KLB: variants seen among roughly 807,000 people sequenced by gnomAD.
KLB encodes klotho beta.
A neutral mutation model predicts 88.4 loss-of-function variants in KLB; 44 were observed. That is an observed-to-expected ratio of 0.50 (90% CI 0.39 to 0.64). KLB has a LOEUF of 0.64. Among genes scored for constraint, KLB ranks in the 30% least tolerant of loss-of-function variants. The probability of loss-of-function intolerance (pLI) is 0.00; values close to 1 mark genes in which losing one functional copy is unlikely to be tolerated. For missense variants in KLB, 1,137 were observed against 1,304.8 expected (o/e 0.87, Z 1.98); for synonymous variants, 548 against 513.4 (o/e 1.07, Z -0.91).
intron 1 of KLB, among the ~76,000 whole-genome samples, chr4:39,419,878 A>AGGTTGCAG (rs1212811247): frequency 3.6e-5 from 5 of 137,754 alleles, no homozygotes; most frequent in African/African-American, 1.4e-4. Context: ...TGGGAGGCGG[A>AGGTTGCAG]GGTTGCAGTG....
chr4:39,414,951 A>G lies in KLB; in HGVS notation c.825+7177A>G, dbSNP rs540188645. ...GCAACGTTTATCCATTTTTGATGCT[A>G]TAACATTGTGTTTCACAAAGTTTGG... is the stretch of plus-strand genomic sequence containing the variant. On this transcript the variant is annotated intron_variant, in intron 1 of 4. Transcript: ENST00000257408. 9.2e-5 allele frequency among the ~76,000 whole-genome samples: 14 copies of G among 151,580 alleles called. No individual in the cohort carries two copies. In the South Asian group the frequency reaches 2.7e-3, roughly 29 times the overall value.
chr4:39,433,936 C>T (rs1193288437), intron 1 of KLB, among the ~76,000 whole-genome samples: 1 of 152,124 alleles, frequency 6.6e-6, no homozygotes, highest in African/African-American at 2.4e-5. Context: ...CTACACACTA[C>T]CCCAAGAGGG....
rs1268881310 is a variant in KLB at position 39,447,012 on chromosome 4, G to A, written c.2286G>A (p.Glu762=). 2 of 1,610,734 alleles carry A rather than the reference G, an allele frequency of 1.2e-6. No individual in the cohort carries two copies. The highest frequency in any genetic ancestry group is 1.7e-6 in the Non-Finnish European group (2 of 1,179,952). ...CTGACTCGCACTGGAGGGCGGCCGA[G>A]CGCTTCCTGCAGTTCGAGATCGCCT... ...PYADSHWRAA[E]RFLQFEIAWF... Residue 762 remains glutamate (E), a synonymous_variant, in exon 4 of 5, where the codon GAG becomes GAA. Transcript: ENST00000257408.
Position 39,448,440 on chromosome 4 carries a change from C to G in KLB, c.2889C>G (p.Ser963Arg), listed in dbSNP as rs765270900. ...SSIQFYNKVI[S>R]SRGFPFENSS... ...TACAATTTTACAACAAAGTGATCAG[C>G]AGCAGGGGCTTCCCTTTTGAGAACA... The change falls in exon 5 of 5, where the codon AGC (serine) becomes AGG (arginine). Residue 963 changes from serine to arginine, a missense_variant. Around this residue, in one of 4 missense-constraint regions of KLB, gnomAD observed 426 missense variants for 404.6 expected, o/e 1.05. Coordinates refer to ENST00000257408, the MANE Select transcript of KLB (RefSeq NM_175737.4). 1.9e-6 allele frequency: 3 copies of G among 1,614,148 alleles called. No homozygotes were observed. The highest frequency in any genetic ancestry group is 2.5e-6 in the Non-Finnish European group (3 of 1,180,002).
rs1402759485 is a variant in KLB at position 39,446,508 on chromosome 4, C to T, written c.1782C>T (p.Val594=). ...KQLEMLARMK[V]THYRFALDWA... ...TTGAGATGTTGGCAAGAATGAAAGT[C>T]ACCCACTACCGGTTTGCTCTGGATT... Residue 594 remains valine (V), a synonymous_variant, in exon 4 of 5, where the codon GTC becomes GTT. Transcript: ENST00000257408. This position sits in a 1 kb window ranked among gnomAD's most constrained non-coding sequence, Gnocchi z 6.4. 6.2e-7 allele frequency: 1 copy of T among 1,614,132 alleles called. No individual in the cohort carries two copies. The highest frequency in any genetic ancestry group is 8.5e-7 in the Non-Finnish European group (1 of 1,180,054).
At chr4:39,421,401 T>C (rs1281083017) in intron 1 of KLB, among the ~76,000 whole-genome samples, 2 of 152,208 alleles carry the variant, frequency 1.3e-5, no homozygotes, top group Non-Finnish European at 2.9e-5. Context: ...ATTCTCCATT[T>C]GATTGGGTTC....
At position 39,407,550 on chromosome 4, in the gene KLB, G is replaced by T. The variant is rs139056538; in HGVS notation, c.601G>T (p.Ala201Ser). The change falls in exon 1 of 5, where the codon GCA becomes TCA. Residue 201 changes from alanine to serine, a missense_variant. This residue lies in a region of KLB where 597 missense variants were observed against 765.2 expected (regional missense o/e 0.78). Coordinates refer to ENST00000257408, the MANE Select transcript of KLB (RefSeq NM_175737.4). ...TTTATACCACTGGGATTTGCCTTTG[G>T]CACTACAAGAAAAATATGGGGGGTG... The part of the protein sequence containing the change: ...VTLYHWDLPL[A>S]LQEKYGGWKN... The T allele has an allele frequency of 1.2e-6, 2 of 1,613,920 alleles. No homozygotes were observed. The highest frequency in any genetic ancestry group is 1.7e-6 in the Non-Finnish European group (2 of 1,179,946).
intron 3 of KLB, among the ~76,000 whole-genome samples, chr4:39,439,422 A>G (rs771798747): frequency 7.9e-5 from 12 of 151,440 alleles, no homozygotes; most frequent in Non-Finnish European, 1.8e-4. Flanking sequence ...ACAATACCAC[A>G]CCACAATATT....
In KLB at chr4:39,419,750, T is replaced by C. The variant is rs1212767632; in HGVS notation, c.825+11976T>C. Reference sequence around the variant, plus strand: ...AAGATCGCACCACTGCACTCCAGTCTGGGCGACAGAGCAATTCCATCTCAA... The same window carrying C: ...AAGATCGCACCACTGCACTCCAGTCCGGGCGACAGAGCAATTCCATCTCAA... On this transcript the variant is annotated intron_variant, in intron 1 of 4. Coordinates refer to ENST00000257408, the MANE Select transcript of KLB (RefSeq NM_175737.4). Among the ~76,000 whole-genome samples the C allele has an allele frequency of 1.4e-4, 19 of 133,992 alleles. No homozygotes were observed. The South Asian group carries it at 3.7e-3, about 26-fold the overall frequency. The allele number at this position is 133,992 out of a possible 152,430, so 87.9% of individuals were successfully genotyped here.
Position 39,450,807 on chromosome 4 carries a change from T to C in KLB, c.*2121T>C, listed in dbSNP as rs1743875433. The stretch of plus-strand genomic sequence containing the variant: ...CTGACCCAAGAACTCCAGGGAAAAT[T>C]CTTTAATGTCAACTGGGCAACTCAT... On this transcript the variant is annotated 3_prime_UTR_variant, in exon 5 of 5. Coordinates refer to ENST00000257408, the MANE Select transcript of KLB (RefSeq NM_175737.4). The C allele has an allele frequency of 6.6e-6, 1 of 151,568 alleles. No homozygotes were observed. The highest frequency in any genetic ancestry group is 1.5e-5 in the Non-Finnish European group (1 of 67,958). The allele number at this position is 151,568 out of a possible 1,614,324, so 9.4% of individuals were successfully genotyped here.
chr4:39,424,876 G>A (rs912917797), intron 1 of KLB, among the ~76,000 whole-genome samples: 8 of 151,936 alleles, frequency 5.3e-5, no homozygotes, highest in South Asian at 2.1e-4. Flanking sequence ...TGATCCACCC[G>A]CCTCGGCCTC....
chr4:39,448,826 T>C lies in KLB; in HGVS notation c.*140T>C. ...AAGGTGATGACAATTGTCTCTGCTG[T>C]GTGGTTCAAAGAACATTCCCTTAGG... On this transcript the variant is annotated 3_prime_UTR_variant, in exon 5 of 5. Transcript: ENST00000257408. 1.2e-6 allele frequency: 1 copy of C among 820,220 alleles called. No homozygotes were observed. The highest frequency in any genetic ancestry group is 1.9e-6 in the Non-Finnish European group (1 of 529,998). 50.8% of individuals were successfully genotyped at this position (820,220 alleles called of 1,614,324 possible). A position where few individuals can be genotyped will look rare whatever the true frequency, so the allele number is the denominator to read the frequency against.
intron 1 of KLB, 56 bp from the exon 2 acceptor site, chr4:39,434,154 T>A (rs943405904): frequency 1.3e-6 from 2 of 1,482,760 alleles, no homozygotes; most frequent in African/African-American, 2.8e-5. Flanking sequence ...TTACCAGCCA[T>A]GTTACAGCCC....
rs781487379 is a variant in KLB at position 39,447,328 on chromosome 4, G to A, written c.2602G>A (p.Gly868Arg). 6 of 1,614,166 alleles carry A rather than the reference G, an allele frequency of 3.7e-6. No homozygotes were observed. The Admixed American group carries it at 6.7e-5, about 18-fold the overall frequency. The change falls in exon 4 of 5, where the codon GGG becomes AGG. Residue 868 changes from glycine to arginine, a missense_variant. Around this residue, in one of 4 missense-constraint regions of KLB, gnomAD observed 426 missense variants for 404.6 expected, o/e 1.05. Transcript: ENST00000257408. ...CACGCGCCTGGCTGTGATTCCCTGG[G>A]GGGTGCGCAAGCTGCTGCGGTGGGT... ...SPTRLAVIPW[G>R]VRKLLRWVRR...
At chr4:39,417,986 T>G (rs1013141199) in intron 1 of KLB, among the ~76,000 whole-genome samples, 2 of 152,180 alleles carry the variant, frequency 1.3e-5, no homozygotes, top group Admixed American at 6.5e-5. Context: ...GAAAAAAAAT[T>G]TACAGCTTCA....
At chr4:39,425,077 G>A (rs1291118233) in intron 1 of KLB, among the ~76,000 whole-genome samples, 1 of 152,146 alleles carries the variant, frequency 6.6e-6, no homozygotes, top group Non-Finnish European at 1.5e-5. Context: ...CTAACAAAAA[G>A]CCTTAAATAT....
Position 39,446,165 on chromosome 4 carries a change from G to C in KLB, c.1606-167G>C, listed in dbSNP as rs900534804. ...ACTTGTTTTCCAAGCCAGGACCTGG[G>C]TGTGGCTCCTTCTCTGTTTTCTGGT... On this transcript the variant is annotated intron_variant, in intron 3 of 4. Coordinates refer to ENST00000257408, the MANE Select transcript of KLB (RefSeq NM_175737.4). The surrounding 1 kb of genome is among the most constrained non-coding windows in gnomAD (Gnocchi z 6.4). Among the ~76,000 whole-genome samples the C allele has an allele frequency of 6.6e-6, 1 of 152,168 alleles. No individual in the cohort carries two copies. Among genetic ancestry groups the C allele is most frequent in the African/African-American group, 2.4e-5 (1 of 41,434 alleles).
At chr4:39,448,155 GAATA>G (rs754444861) in intron 4 of KLB, 142 bp from the exon 5 acceptor site, 21 of 600,404 alleles carry the variant, frequency 3.5e-5, no homozygotes, top group South Asian at 7.9e-5. Flanking sequence ...GATCATAAAA[GAATA>G]AATGTCAAAA....
intron 2 of KLB, among the ~76,000 whole-genome samples, chr4:39,436,081 C>T (rs935465413): frequency 6.6e-5 from 10 of 152,220 alleles, no homozygotes; most frequent in African/African-American, 2.2e-4. Flanking sequence ...GTAGTGACAT[C>T]TACAGGTGGC....
Sources: gnomAD v4.1 joint callset for allele counts (sites outside exome capture counted in the v4.1 genomes callset) on GRCh38, gnomAD v4.1.1 for gene constraint, gnomAD v4.1.1 regional missense constraint, Gnocchi (gnomAD v3.1) non-coding constraint, MANE v1.5 for transcripts, NCBI Gene and HGNC (gene_info 2026-07-23, HGNC 2026-07-21) for gene names.